NEGR1: variants seen among roughly 807,000 people sequenced by gnomAD.
NEGR1 encodes neuronal growth regulator 1.
In NEGR1, 10 loss-of-function variants were observed where a neutral mutation model predicts 40.9. The ratio of observed to expected loss-of-function variants is 0.24; its 90% CI spans 0.15 to 0.42. The LOEUF (loss-of-function observed/expected upper bound fraction) is 0.42, where lower values mean the gene tolerates loss of function less well. Ranked by LOEUF, NEGR1 falls within the 10% of genes least tolerant of loss-of-function variation. NEGR1 has a pLI of 1.00. For missense variants in NEGR1, 352 were observed against 438.9 expected, an observed-to-expected ratio of 0.80 and a Z score of 1.77; for synonymous variants, 185 against 166.8, an observed-to-expected ratio of 1.11 and a Z score of -0.84.
chr1:71,490,771 G>T (rs145983510), intron 6 of NEGR1, among the ~76,000 whole-genome samples: 12 of 151,972 alleles, frequency 7.9e-5, no homozygotes, highest in Admixed American at 2.0e-4. Context: ...TGGAAAGCCC[G>T]TAACTGCAGA....
chr1:72,057,198 C>A (rs572437885), intron 1 of NEGR1, among the ~76,000 whole-genome samples: 1 of 151,570 alleles, frequency 6.6e-6, no homozygotes, highest in Admixed American at 6.6e-5. Flanking sequence ...TAATTAATTA[C>A]ACAAATTACT....
At chr1:71,993,291 A>G (rs1404590592) in intron 1 of NEGR1, among the ~76,000 whole-genome samples, 3 of 152,194 alleles carry the variant, frequency 2.0e-5, no homozygotes, top group Non-Finnish European at 4.4e-5. Context: ...GTAGCAAAGT[A>G]ATTTTTAAGC....
chr1:71,576,657 G>T (rs955854616), intron 6 of NEGR1, among the ~76,000 whole-genome samples: 3 of 152,140 alleles, frequency 2.0e-5, no homozygotes, highest in African/African-American at 7.2e-5. Flanking sequence ...CACAATTTTA[G>T]GCAAAGAATA....
chr1:71,512,827 G>A (rs12734782), intron 6 of NEGR1, among the ~76,000 whole-genome samples: 10,262 of 152,118 alleles, frequency 0.067, 398 homozygotes, highest in South Asian at 0.091. Context: ...TGATCCACCC[G>A]CCTTGGCCTC....
At chr1:72,001,390 T>G (rs528184155) in intron 1 of NEGR1, among the ~76,000 whole-genome samples, 5 of 151,998 alleles carry the variant, frequency 3.3e-5, no homozygotes, top group South Asian at 2.1e-4. Context: ...GAGGCTTACT[T>G]GAAATGTAGA....
At chr1:72,154,994 C>T (rs1405737714) in intron 1 of NEGR1, among the ~76,000 whole-genome samples, 1 of 151,776 alleles carries the variant, frequency 6.6e-6, no homozygotes, top group Non-Finnish European at 1.5e-5. Context: ...AAATTCTTGT[C>T]CCCTAGTGAA....
At chr1:72,112,954 T>C (rs886779985) in intron 1 of NEGR1, among the ~76,000 whole-genome samples, 2 of 151,744 alleles carry the variant, frequency 1.3e-5, no homozygotes, top group African/African-American at 4.8e-5. Context: ...ACCACCTCCA[T>C]GTTCACCTGT....
At chr1:71,695,393 G>A (rs72678920) in intron 4 of NEGR1, among the ~76,000 whole-genome samples, 1 of 151,782 alleles carries the variant, frequency 6.6e-6, no homozygotes, top group Non-Finnish European at 1.5e-5. Context: ...TATGAGACAA[G>A]TTAATATTAT....
chr1:71,688,138 T>G (rs1653098761), intron 4 of NEGR1, among the ~76,000 whole-genome samples: 1 of 151,048 alleles, frequency 6.6e-6, no homozygotes, highest in Non-Finnish European at 1.5e-5. Context: ...GCTCTCACTT[T>G]ATATTGAAGA....
chr1:72,263,326 T>C (rs1655524497), intron 1 of NEGR1, among the ~76,000 whole-genome samples: 1 of 151,672 alleles, frequency 6.6e-6, no homozygotes, highest in Non-Finnish European at 1.5e-5. Context: ...TTACATGCTG[T>C]AGGCATCAGA....
intron 4 of NEGR1, among the ~76,000 whole-genome samples, chr1:71,669,394 G>A (rs1204699347): frequency 1.3e-5 from 2 of 151,736 alleles, no homozygotes; most frequent in Non-Finnish European, 2.9e-5. Flanking sequence ...TACTTATTTT[G>A]TGTTCCATTT....
chr1:71,457,768 C>A (rs1305009997), intron 6 of NEGR1, among the ~76,000 whole-genome samples: 3 of 152,074 alleles, frequency 2.0e-5, no homozygotes, highest in Non-Finnish European at 4.4e-5. Flanking sequence ...TGCAGTGGAT[C>A]TCGGCTCACT....
At chr1:71,960,895 A>T (rs561188418) in intron 1 of NEGR1, among the ~76,000 whole-genome samples, 3 of 152,252 alleles carry the variant, frequency 2.0e-5, no homozygotes, top group Admixed American at 2.0e-4. Flanking sequence ...CTCCACTGAG[A>T]CAAAATTCCT....
chr1:71,528,940 A>G (rs1647280086), intron 6 of NEGR1, among the ~76,000 whole-genome samples: 1 of 151,402 alleles, frequency 6.6e-6, no homozygotes, highest in South Asian at 2.1e-4. Flanking sequence ...GTCCAACTTA[A>G]GAGTCTACAT....
intron 4 of NEGR1, among the ~76,000 whole-genome samples, chr1:71,671,635 T>C (rs1444711572): frequency 2.6e-5 from 4 of 152,152 alleles, no homozygotes; most frequent in Non-Finnish European, 5.9e-5. Context: ...TGGTCAGCCA[T>C]CCTTTATCTT....
chr1:71,741,571 G>A (rs1655214017), intron 3 of NEGR1, among the ~76,000 whole-genome samples: 1 of 152,110 alleles, frequency 6.6e-6, no homozygotes, highest in African/African-American at 2.4e-5. Context: ...AAATGTTTAT[G>A]TTCCCCCAAA....
chr1:71,618,580 T>A (rs1650515294), intron 4 of NEGR1, among the ~76,000 whole-genome samples: 1 of 152,086 alleles, frequency 6.6e-6, no homozygotes, highest in Admixed American at 6.6e-5. Flanking sequence ...GACTGTCTAG[T>A]TGCAAGAAAA....
chr1:71,607,981 C>T, intron 5 of NEGR1, among the ~76,000 whole-genome samples: 1 of 152,188 alleles, frequency 6.6e-6, no homozygotes, highest in East Asian at 1.9e-4. Flanking sequence ...GCCACTGTGC[C>T]TGGCTAGCTT....
chr1:71,560,197 A>T (rs1648402114), intron 6 of NEGR1, among the ~76,000 whole-genome samples: 1 of 151,190 alleles, frequency 6.6e-6, no homozygotes, highest in South Asian at 2.1e-4. Flanking sequence ...TATTAAAGAC[A>T]TCTATTCTTA....
Sources: allele counts gnomAD v4.1 joint callset (sites outside exome capture counted in the v4.1 genomes callset), GRCh38; gene constraint gnomAD v4.1.1; transcripts MANE v1.5; gene names NCBI Gene and HGNC (gene_info 2026-07-23, HGNC 2026-07-21).